LRIG1: variants seen among roughly 807,000 people sequenced by gnomAD.
LRIG1 encodes leucine rich repeats and immunoglobulin like domains 1.
In LRIG1, 48 loss-of-function variants were observed where a neutral mutation model predicts 99.2. The observed-to-expected ratio is 0.48, with a 90% CI of 0.38 to 0.62. The LOEUF (loss-of-function observed/expected upper bound fraction) is 0.62. Among genes scored for constraint, LRIG1 ranks in the 20% least tolerant of loss-of-function variants. LRIG1 has a pLI of 0.00. For synonymous variants in LRIG1, 772 were observed against 596.1 expected (o/e 1.29, Z -4.30); for missense variants, 1,646 against 1,434.4 (o/e 1.15, Z -2.38).
Position 66,382,410 on chromosome 3 carries a change from C to T in LRIG1, c.2492-12G>A, listed in dbSNP as rs1359510581. 3.7e-6 allele frequency: 6 copies of T among 1,614,176 alleles called. No individual in the cohort carries two copies. Among genetic ancestry groups the T allele is most frequent in the Non-Finnish European group, 5.1e-6 (6 of 1,180,012 alleles). On this transcript the variant is annotated splice_polypyrimidine_tract_variant and intron_variant, in intron 15 of 18. Coordinates refer to ENST00000273261, the MANE Select transcript of LRIG1 (RefSeq NM_015541.3). The stretch of plus-strand genomic sequence containing the variant: ...CACGACGGTTTCATCTGCAAGGAGA[C>T]AGAACAAATAGAACACCAGGGTCTC...
chr3:66,405,315 G>A (rs760888604), intron 8 of LRIG1, 37 bp from the exon 9 acceptor site: 16 of 1,523,984 alleles, frequency 1.0e-5, no homozygotes, highest in Middle Eastern at 1.7e-4. Context: ...CCGAGCAGTC[G>A]GGGCGTGAAG....
At chr3:66,459,950 C>T (rs111703915) in intron 2 of LRIG1, among the ~76,000 whole-genome samples, 1 of 152,160 alleles carries the variant, frequency 6.6e-6, no homozygotes, top group Non-Finnish European at 1.5e-5. Context: ...CTAATCCTAT[C>T]TTGATCTAAG....
chr3:66,470,283 T>G (rs1334680779), intron 1 of LRIG1, among the ~76,000 whole-genome samples: 1 of 152,084 alleles, frequency 6.6e-6, no homozygotes, highest in Non-Finnish European at 1.5e-5. Flanking sequence ...ATCCCTAGCA[T>G]GGATAACATG....
intron 4 of LRIG1, among the ~76,000 whole-genome samples, chr3:66,416,636 A>G (rs1185834369): frequency 6.6e-6 from 1 of 152,200 alleles, no homozygotes; most frequent in East Asian, 1.9e-4. Flanking sequence ...CCCACATAAT[A>G]GAGTAACTGC....
In LRIG1 at chr3:66,384,050, C is replaced by A; in HGVS notation, c.2012G>T (p.Ser671Ile). The A allele has an allele frequency of 6.2e-7, 1 of 1,614,072 alleles. No individual in the cohort carries two copies. Among genetic ancestry groups the A allele is most frequent in the Non-Finnish European group, 8.5e-7 (1 of 1,180,010 alleles). ...ACCGGCTGAGTTCTGAGCAGTACAG[C>A]TGTAAACCCCTGCGTCATCTATTTT... Reference protein sequence around the residue: ...DVKIDDAGVYSCTAQNSAGSI... With the variant: ...DVKIDDAGVYICTAQNSAGSI... Residue 671 changes from serine (S) to isoleucine (I), a missense_variant, in exon 14 of 19, where the codon AGC (serine) becomes ATC (isoleucine). Ser to Ile is a moderately radical substitution (Grantham distance 142, BLOSUM62 -2). Coordinates refer to ENST00000273261, the MANE Select transcript of LRIG1 (RefSeq NM_015541.3).
intron 9 of LRIG1, 79 bp downstream of exon 9, chr3:66,405,118 CG>C (rs1013410347): frequency 7.0e-6 from 9 of 1,281,030 alleles, no homozygotes; most frequent in South Asian, 2.4e-5. Flanking sequence ...CAGAGAGGCG[CG>C]GGGGGCGCCA....
At position 66,382,377 on chromosome 3, in the gene LRIG1, T is replaced by G. The variant is rs745720211; in HGVS notation, c.2513A>C (p.Asp838Ala). Residue 838 changes from aspartate to alanine, a missense_variant, in exon 16 of 19, where the codon GAT (aspartate) becomes GCT (alanine). By Grantham distance (126) the Asp-to-Ala change is moderately radical. Transcript: ENST00000273261. The part of the protein sequence containing the change: ...TNTDETVVPP[D>A]VPSYLSSQGT... ...CTGAGAAGAGAGGTAGCTTGGAACA[T>G]CTGGTGGCACGACGGTTTCATCTGC... is the stretch of plus-strand genomic sequence containing the variant. 3 of 1,614,180 alleles carry G rather than the reference T, an allele frequency of 1.9e-6. No homozygotes were observed. Among genetic ancestry groups the G allele is most frequent in the Non-Finnish European group, 2.5e-6 (3 of 1,180,026 alleles).
chr3:66,453,569 T>C (rs990720337), intron 2 of LRIG1, among the ~76,000 whole-genome samples: 3 of 152,204 alleles, frequency 2.0e-5, no homozygotes, highest in Non-Finnish European at 4.4e-5. Context: ...ACTTTCACCA[T>C]CACAACAACT....
At chr3:66,421,057 A>G (rs538899507) in intron 3 of LRIG1, among the ~76,000 whole-genome samples, 5 of 152,312 alleles carry the variant, frequency 3.3e-5, no homozygotes, top group African/African-American at 1.2e-4. Context: ...CACTATCATG[A>G]GAACAGCATA....
chr3:66,422,317 TTC>T (rs1259906412), intron 3 of LRIG1, among the ~76,000 whole-genome samples: 1 of 152,236 alleles, frequency 6.6e-6, no homozygotes, highest in Non-Finnish European at 1.5e-5. Context: ...AACTTTTATG[TTC>T]TGTTTCCCTT....
At chr3:66,494,029 A>AG (rs1208306473) in intron 1 of LRIG1, among the ~76,000 whole-genome samples, 2 of 151,620 alleles carry the variant, frequency 1.3e-5, no homozygotes, top group Non-Finnish European at 2.9e-5. Context: ...GGGGAAGGGA[A>AG]GAAGGAAGGA....
At position 66,384,069 on chromosome 3, in the gene LRIG1, C is replaced by A. The variant is rs1303140838; in HGVS notation, c.1993G>T (p.Asp665Tyr). Residue 665 changes from aspartate (D) to tyrosine (Y), a missense_variant, in exon 14 of 19, where the codon GAT becomes TAT. Asp to Tyr is a radical substitution (Grantham distance 160). Coordinates refer to ENST00000273261, the MANE Select transcript of LRIG1 (RefSeq NM_015541.3). Reference sequence around the variant, plus strand: ...GTACAGCTGTAAACCCCTGCGTCATCTATTTTCACATCAGTGATGAAAAAC... The same window carrying A: ...GTACAGCTGTAAACCCCTGCGTCATATATTTTCACATCAGTGATGAAAAAC... ...DVFFITDVKIDDAGVYSCTAQ... is the reference protein window; with the variant it reads ...DVFFITDVKIYDAGVYSCTAQ... 1.2e-6 allele frequency: 2 copies of A among 1,614,142 alleles called. No homozygotes were observed. The highest frequency in any genetic ancestry group is 1.7e-5 in the Admixed American group (1 of 60,024).
At chr3:66,449,127 C>T (rs1703817009) in intron 3 of LRIG1, among the ~76,000 whole-genome samples, 1 of 152,206 alleles carries the variant, frequency 6.6e-6, no homozygotes, top group African/African-American at 2.4e-5. Flanking sequence ...CCACTGCCTG[C>T]TCTGTTGTTT....
intron 3 of LRIG1, 143 bp downstream of exon 3, chr3:66,451,416 T>C (rs1449510413): frequency 3.1e-6 from 2 of 649,214 alleles, no homozygotes; most frequent in African/African-American, 1.9e-5. Flanking sequence ...GCGTTTGTCA[T>C]GATCATGAGG....
chr3:66,484,550 G>A (rs1005316946), intron 1 of LRIG1, among the ~76,000 whole-genome samples: 1 of 152,166 alleles, frequency 6.6e-6, no homozygotes, highest in Non-Finnish European at 1.5e-5. Context: ...AGGCGAAGAG[G>A]GAAGACCCAT....
At chr3:66,419,674 G>C (rs1702742129) in intron 3 of LRIG1, among the ~76,000 whole-genome samples, 1 of 152,120 alleles carries the variant, frequency 6.6e-6, no homozygotes, top group South Asian at 2.1e-4. Context: ...GGATGCCACA[G>C]TGGGCCAGGA....
chr3:66,477,646 C>A (rs538848911), intron 1 of LRIG1, among the ~76,000 whole-genome samples: 1 of 152,248 alleles, frequency 6.6e-6, no homozygotes, highest in East Asian at 1.9e-4. Context: ...AAGGAGGGCC[C>A]AATCCCCTCT....
intron 3 of LRIG1, among the ~76,000 whole-genome samples, chr3:66,451,200 G>C (rs979842292): frequency 6.6e-6 from 1 of 152,004 alleles, no homozygotes; most frequent in Non-Finnish European, 1.5e-5. Flanking sequence ...ACAAAGATTA[G>C]CTTGCTGTCT....
At chr3:66,409,998 G>T in intron 7 of LRIG1, 131 bp downstream of exon 7, 1 of 931,422 alleles carries the variant, frequency 1.1e-6, no homozygotes, top group Non-Finnish European at 1.6e-6. Flanking sequence ...GGCTGGTTTG[G>T]GAACAGGGCT....
Sources: gnomAD v4.1 joint callset for allele counts (sites outside exome capture counted in the v4.1 genomes callset) on GRCh38, gnomAD v4.1.1 for gene constraint, MANE v1.5 for transcripts, NCBI Gene and HGNC (gene_info 2026-07-23, HGNC 2026-07-21) for gene names.